Variants in AGK observed in about 807,000 individuals in gnomAD.
AGK encodes acylglycerol kinase.
AGK carries 52 observed loss-of-function variants against 66.4 expected under a neutral mutation model. That is an observed-to-expected ratio of 0.78 (90% CI 0.63 to 0.99). The LOEUF is 0.99. Among genes scored for constraint, AGK ranks in the 50% least tolerant of loss-of-function variants. The pLI, the probability that AGK is intolerant of heterozygous loss-of-function variation, is 0.00. For missense variants in AGK, 451 were observed against 506.6 expected (o/e 0.89, Z 1.05); for synonymous variants, 182 against 181.1 (o/e 1.00, Z -0.04).
intron 2 of AGK, among the ~76,000 whole-genome samples, chr7:141,578,889 A>T (rs555293279): frequency 1.3e-5 from 2 of 148,816 alleles, no homozygotes; most frequent in Non-Finnish European, 3.0e-5. Context: ...AAGATTATTT[A>T]TGTACTTTAA....
rs982068548 is a variant in AGK at position 141,555,258 on chromosome 7, G to T, written c.-14-195G>T. ...AAGGTGGATGGATGTGTGGGTGGAT[G>T]AGAAGATGAAGATGATGGAAATAGA... On this transcript the variant is annotated intron_variant, in intron 1 of 15. Transcript: ENST00000649286. The surrounding 1 kb of genome is among the most constrained non-coding windows in gnomAD (Gnocchi z 4.2). Among the ~76,000 whole-genome samples the T allele has an allele frequency of 6.6e-6, 1 of 152,116 alleles. No homozygotes were observed. Among genetic ancestry groups the T allele is most frequent in the Non-Finnish European group, 1.5e-5 (1 of 68,032 alleles).
intron 2 of AGK, among the ~76,000 whole-genome samples, chr7:141,564,119 C>A (rs905348560): frequency 6.6e-6 from 1 of 152,210 alleles, no homozygotes; most frequent in Non-Finnish European, 1.5e-5. Flanking sequence ...TGACAGCACA[C>A]CCTGCTGATT....
At position 141,615,468 on chromosome 7, in the gene AGK, C is replaced by G. The variant is rs766413410; in HGVS notation, c.424-3C>G. ...AAAACTTTCCTCTTCTTTCCCCCCCCAGGCTACCTTCAGTAAGATTCCCAT... is the reference window on the plus strand; with the variant it reads ...AAAACTTTCCTCTTCTTTCCCCCCCGAGGCTACCTTCAGTAAGATTCCCAT... On this transcript the variant is annotated splice_polypyrimidine_tract_variant and splice_region_variant and intron_variant, in intron 7 of 15. Transcript: ENST00000649286. The G allele has an allele frequency of 1.4e-5, 22 of 1,612,586 alleles. No homozygotes were observed. The highest frequency in any genetic ancestry group is 2.2e-5 in the East Asian group (1 of 44,864).
rs369042931 is a variant in AGK at position 141,651,576 on chromosome 7, C to T, written c.1098C>T (p.Leu366=). Residue 366 remains leucine (L), a synonymous_variant, in exon 15 of 16, where the codon CTC becomes CTT. Coordinates refer to ENST00000649286, the MANE Select transcript of AGK (RefSeq NM_018238.4). The part of the protein sequence containing the change: ...PKLHVEGTEC[L]QASQCTLLIP... ...TGCACGTGGAGGGCACGGAGTGTCT[C>T]CAAGCCAGCCAGTGCACTTTGCTTA... is the stretch of plus-strand genomic sequence containing the variant. The T allele has an allele frequency of 2.5e-5, 41 of 1,614,084 alleles. No individual in the cohort carries two copies. Among genetic ancestry groups the T allele is most frequent in the Non-Finnish European group, 3.2e-5 (38 of 1,180,054 alleles).
In AGK at chr7:141,630,118, T is replaced by G. The variant is rs1195171074; in HGVS notation, c.589-3783T>G. The stretch of plus-strand genomic sequence containing the variant: ...TCTATCATCATCATCAGCAGCAGCA[T>G]CATCATCCTCAGACATAGCACTTGT... On this transcript the variant is annotated intron_variant, in intron 9 of 15. Transcript: ENST00000649286. Among the ~76,000 whole-genome samples, 5 of 152,320 alleles carry G rather than the reference T, an allele frequency of 3.3e-5. No homozygotes were observed. The South Asian group carries it at 6.2e-4, about 19-fold the overall frequency.
chr7:141,643,740 C>T (rs1432307670), intron 13 of AGK, among the ~76,000 whole-genome samples: 3 of 151,954 alleles, frequency 2.0e-5, no homozygotes, highest in Non-Finnish European at 2.9e-5. Flanking sequence ...TTATGTAATC[C>T]TTATAGGTAG....
At chr7:141,581,195 T>A (rs967570969) in intron 2 of AGK, among the ~76,000 whole-genome samples, 1 of 151,894 alleles carries the variant, frequency 6.6e-6, no homozygotes, top group South Asian at 2.1e-4. Flanking sequence ...TGTGAAGTCT[T>A]GCGGCAGTAC....
intron 5 of AGK, among the ~76,000 whole-genome samples, chr7:141,602,931 A>G (rs1796376175): frequency 6.6e-6 from 1 of 152,036 alleles, no homozygotes; most frequent in Admixed American, 6.5e-5. Context: ...GAATTTCCAA[A>G]TCTAAAGTTT....
intron 2 of AGK, among the ~76,000 whole-genome samples, chr7:141,566,818 C>T (rs969357001): frequency 2.0e-5 from 3 of 152,160 alleles, no homozygotes; most frequent in African/African-American, 7.2e-5. Context: ...CAGTTTCTCT[C>T]TCCCCTATTT....
intron 13 of AGK, among the ~76,000 whole-genome samples, chr7:141,642,741 G>A (rs1797317585): frequency 6.6e-6 from 1 of 152,184 alleles, no homozygotes; most frequent in Non-Finnish European, 1.5e-5. Context: ...TAAAGTTCAA[G>A]TTTCAGTATC....
At chr7:141,648,596 T>C (rs1182734286) in intron 13 of AGK, among the ~76,000 whole-genome samples, 1 of 152,174 alleles carries the variant, frequency 6.6e-6, no homozygotes, top group African/African-American at 2.4e-5. Flanking sequence ...AGTTGTGGGA[T>C]TGATTTACAG....
chr7:141,630,183 CAT>C (rs1318080008), intron 9 of AGK, among the ~76,000 whole-genome samples: 2 of 152,196 alleles, frequency 1.3e-5, no homozygotes, highest in African/African-American at 4.8e-5. Context: ...ATGCTAAAGA[CAT>C]ATACTGTTAT....
chr7:141,581,756 G>C (rs946390666), intron 2 of AGK, among the ~76,000 whole-genome samples: 3 of 151,906 alleles, frequency 2.0e-5, no homozygotes, highest in Admixed American at 6.5e-5. Context: ...CTGTAGCCTA[G>C]GAACAGTCAG....
intron 2 of AGK, among the ~76,000 whole-genome samples, chr7:141,591,231 T>TA (rs1796109962): frequency 1.3e-5 from 2 of 151,820 alleles, no homozygotes; most frequent in African/African-American, 4.8e-5. Flanking sequence ...TAGTTGGGAT[T>TA]ACAGGCATGC....
At chr7:141,593,356 A>ATTCC (rs1796162834) in intron 3 of AGK, 171 bp downstream of exon 3, 1 of 717,042 alleles carries the variant, frequency 1.4e-6, no homozygotes, top group Non-Finnish European at 2.5e-6. Flanking sequence ...AACTCCAGGA[A>ATTCC]GTTAACCATC....
intron 2 of AGK, among the ~76,000 whole-genome samples, chr7:141,561,730 T>G (rs1205949407): frequency 6.6e-6 from 1 of 151,994 alleles, no homozygotes; most frequent in Non-Finnish European, 1.5e-5. Context: ...TATTGGGGTT[T>G]AGGTGCAACT....
At chr7:141,564,781 G>A (rs1354949179) in intron 2 of AGK, among the ~76,000 whole-genome samples, 1 of 151,890 alleles carries the variant, frequency 6.6e-6, no homozygotes, top group Non-Finnish European at 1.5e-5. Flanking sequence ...TCAGGCTGGA[G>A]TGCAACGGCA....
intron 5 of AGK, among the ~76,000 whole-genome samples, chr7:141,603,530 A>T (rs1438374392): frequency 2.0e-5 from 3 of 151,968 alleles, no homozygotes; most frequent in Non-Finnish European, 2.9e-5. Flanking sequence ...CTGAGATTTT[A>T]GATGTATTGT....
intron 2 of AGK, among the ~76,000 whole-genome samples, chr7:141,581,065 G>C (rs909105844): frequency 6.6e-6 from 1 of 151,958 alleles, no homozygotes; most frequent in African/African-American, 2.4e-5. Flanking sequence ...AAGGGGTTGG[G>C]GTTTGAGAGA....
Sources: allele counts gnomAD v4.1 joint callset (sites outside exome capture counted in the v4.1 genomes callset), GRCh38; gene constraint gnomAD v4.1.1; non-coding constraint Gnocchi (gnomAD v3.1); transcripts MANE v1.5; gene names NCBI Gene and HGNC (gene_info 2026-07-23, HGNC 2026-07-21).